ROBO2: variants seen among roughly 807,000 people sequenced by gnomAD.
ROBO2 encodes roundabout guidance receptor 2.
Under a neutral mutation model 160.8 loss-of-function variants are expected in ROBO2, and 53 were observed. The observed-to-expected ratio is 0.33, with a 90% CI of 0.26 to 0.41. The LOEUF (loss-of-function observed/expected upper bound fraction) is 0.41, where lower values mean the gene tolerates loss of function less well. Among genes scored for constraint, ROBO2 ranks in the 10% least tolerant of loss-of-function variants. ROBO2 has a pLI of 1.00. For synonymous variants in ROBO2, 664 were observed against 611.7 expected, an observed-to-expected ratio of 1.09 and a Z score of -1.26; for missense variants, 1,577 against 1,722.4, an observed-to-expected ratio of 0.92 and a Z score of 1.49.
At chr3:76,806,098 T>G (rs1255825838) in intron 2 of ROBO2, among the ~76,000 whole-genome samples, 1 of 151,876 alleles carries the variant, frequency 6.6e-6, no homozygotes, top group Non-Finnish European at 1.5e-5. Flanking sequence ...TCCCTTTTGA[T>G]TATGACTGTC....
chr3:76,938,264 G>A (rs1011045327), intron 2 of ROBO2, among the ~76,000 whole-genome samples: 1 of 151,788 alleles, frequency 6.6e-6, no homozygotes, highest in African/African-American at 2.4e-5. Flanking sequence ...CTGAGGCAGG[G>A]GATCGCTTGA....
intron 2 of ROBO2, among the ~76,000 whole-genome samples, chr3:76,148,442 A>G (rs572832152): frequency 1.2e-4 from 19 of 152,044 alleles, no homozygotes; most frequent in Non-Finnish European, 1.3e-4. Flanking sequence ...ATGCTATAAT[A>G]CCTCCAAACT....
At chr3:77,159,145 C>G (rs998362193) in intron 2 of ROBO2, among the ~76,000 whole-genome samples, 1 of 152,062 alleles carries the variant, frequency 6.6e-6, no homozygotes, top group African/African-American at 2.4e-5. Context: ...TCATCAACAC[C>G]CATCCTGACT....
At chr3:76,517,243 C>A (rs2081386807) in intron 2 of ROBO2, among the ~76,000 whole-genome samples, 1 of 152,084 alleles carries the variant, frequency 6.6e-6, no homozygotes, top group African/African-American at 2.4e-5. Flanking sequence ...TGCATCTGCC[C>A]ATTGAATGAA....
At chr3:77,487,376 A>C (rs909638746) in intron 4 of ROBO2, among the ~76,000 whole-genome samples, 2 of 152,116 alleles carry the variant, frequency 1.3e-5, no homozygotes, top group African/African-American at 2.4e-5. Context: ...AATAACATGA[A>C]ATTTTGCCTC....
rs757469321 is a variant in ROBO2 at position 76,834,059 on chromosome 3, T to TTCTC, written c.110-263952_110-263951insCTCT. Among the ~76,000 whole-genome samples, 494 of 113,648 alleles carry TTCTC rather than the reference T, an allele frequency of 4.3e-3. 8 individuals are homozygous for TTCTC. The highest frequency in any genetic ancestry group is 0.014 in the East Asian group (49 of 3,546). The allele number at this position is 113,648 out of a possible 152,430, so 74.6% of individuals were successfully genotyped here. ...TCTTTCCTTTCTTTCTCTCCTTTCT[T>TTCTC]TCTTTTCTTTCTTTCTTTCTTTCTT... On this transcript the variant is annotated intron_variant, in intron 2 of 26. Coordinates refer to the ROBO2 transcript ENST00000487694.
intron 2 of ROBO2, among the ~76,000 whole-genome samples, chr3:76,668,289 A>G (rs1331337581): frequency 2.6e-5 from 4 of 151,888 alleles, no homozygotes; most frequent in Non-Finnish European, 5.9e-5. Context: ...GTAGAGAGAG[A>G]AAGAGAAAGG....
At chr3:77,057,298 C>T (rs890326644) in intron 1 of ROBO2, among the ~76,000 whole-genome samples, 1 of 152,094 alleles carries the variant, frequency 6.6e-6, no homozygotes, top group African/African-American at 2.4e-5. Flanking sequence ...ACATCACACA[C>T]TGGGGCCTGT....
At chr3:76,860,164 G>A (rs868361555) in intron 2 of ROBO2, among the ~76,000 whole-genome samples, 1 of 152,100 alleles carries the variant, frequency 6.6e-6, no homozygotes, top group Non-Finnish European at 1.5e-5. Flanking sequence ...TTACCCAAAA[G>A]GATGTTGGGT....
intron 1 of ROBO2, among the ~76,000 whole-genome samples, chr3:75,914,628 A>C (rs1262221015): frequency 3.3e-5 from 5 of 152,234 alleles, no homozygotes; most frequent in South Asian, 2.1e-4. Context: ...AATTTTTGAA[A>C]AGGACCCAAA....
At chr3:76,439,554 GC>G (rs1469747689) in intron 2 of ROBO2, among the ~76,000 whole-genome samples, 2 of 152,146 alleles carry the variant, frequency 1.3e-5, no homozygotes, top group African/African-American at 4.8e-5. Context: ...AGGCAGAGAA[GC>G]ATGTTCAAAG....
exon 26 of ROBO2, chr3:77,648,722 C>A (rs2095429096): frequency 6.6e-6 from 1 of 152,120 alleles, no homozygotes; most frequent in Non-Finnish European, 1.5e-5. Context: ...TAGTAAAAAG[C>A]TACTAATCAG....
intron 2 of ROBO2, among the ~76,000 whole-genome samples, chr3:76,212,259 G>A (rs1055105582): frequency 2.6e-5 from 4 of 151,808 alleles, no homozygotes; most frequent in African/African-American, 9.7e-5. Flanking sequence ...TGTAAATAAC[G>A]GAACATGGTC....
intron 6 of ROBO2, among the ~76,000 whole-genome samples, chr3:77,534,384 T>C (rs781100329): frequency 1.2e-4 from 18 of 151,986 alleles, no homozygotes; most frequent in Non-Finnish European, 2.2e-4. Context: ...ATAATATAAA[T>C]ACTTAGGCCC....
At chr3:77,588,754 G>A (rs746531705) in exon 17 of ROBO2, 2 of 1,613,016 alleles carry the variant, frequency 1.2e-6, no homozygotes, top group Non-Finnish European at 1.7e-6. Context: ...TCCATAGGGA[G>A]ACGCAATGAA....
chr3:77,646,665 T>C lies in ROBO2; in HGVS notation c.*610T>C, dbSNP rs186391329. 3.2e-3 allele frequency: 488 copies of C among 152,446 alleles called. No individual in the cohort carries two copies. The highest frequency in any genetic ancestry group is 5.1e-3 in the Admixed American group (78 of 15,272). The allele number at this position is 152,446 out of a possible 1,614,324, so 9.4% of individuals were successfully genotyped here. On this transcript the variant is annotated 3_prime_UTR_variant, in exon 26 of 26. Coordinates refer to ENST00000461745, the Ensembl canonical transcript of ROBO2. ...GAAATAGGAAGATGCAAAGGAACAA[T>C]GGTGTTGGCAAAGTCTTCTTTGAAT...
At chr3:76,594,225 G>C (rs2108858758) in intron 2 of ROBO2, among the ~76,000 whole-genome samples, 1 of 152,056 alleles carries the variant, frequency 6.6e-6, no homozygotes, top group South Asian at 2.1e-4. Context: ...TTGAGAGTAG[G>C]ATCAGATCAA....
rs557391290 is a variant in ROBO2 at position 76,952,565 on chromosome 3, A to G, written c.110-145449A>G. ...CCAAAGTGCTGGGATTACAGGCGTGAGCCACTGTGCCCAGCCTGTAAGCTA... is the reference window on the plus strand; with the variant it reads ...CCAAAGTGCTGGGATTACAGGCGTGGGCCACTGTGCCCAGCCTGTAAGCTA... On this transcript the variant is annotated intron_variant, in intron 2 of 26. Coordinates refer to the ROBO2 transcript ENST00000487694. 1.7e-3 allele frequency among the ~76,000 whole-genome samples: 256 copies of G among 152,316 alleles called. 1 individual carries two copies. Among genetic ancestry groups the G allele is most frequent in the African/African-American group, 5.2e-3 (218 of 41,564 alleles).
chr3:77,464,534 T>C (rs2082570216), intron 2 of ROBO2, among the ~76,000 whole-genome samples: 1 of 152,182 alleles, frequency 6.6e-6, no homozygotes, highest in African/African-American at 2.4e-5. Context: ...GCTAGACTAC[T>C]TAGAGTTACA....
Sources: gnomAD v4.1 joint callset for allele counts (sites outside exome capture counted in the v4.1 genomes callset) on GRCh38, gnomAD v4.1.1 for gene constraint, MANE v1.5 for transcripts, NCBI Gene and HGNC (gene_info 2026-07-23, HGNC 2026-07-21) for gene names.